ZNF34: variants seen among roughly 807,000 people sequenced by gnomAD.
ZNF34 encodes the protein zinc finger protein 34 (KOX 32).
In ZNF34, 8 loss-of-function variants were observed where a neutral mutation model predicts 14.4. The ratio of observed to expected loss-of-function variants is 0.55; its 90% CI spans 0.33 to 1.00. The LOEUF is 1.00. Ranked by LOEUF, ZNF34 falls within the 50% of genes least tolerant of loss-of-function variation. The pLI, the probability that ZNF34 is intolerant of heterozygous loss-of-function variation, is 0.03. For missense variants in ZNF34, 538 were observed against 674.2 expected, an observed-to-expected ratio of 0.80 and a Z score of 2.24; for synonymous variants, 235 against 247.9, an observed-to-expected ratio of 0.95 and a Z score of 0.49.
chr8:144,783,853 G>GT (rs1826047830), intron 1 of ZNF34, among the ~76,000 whole-genome samples: 1 of 152,218 alleles, frequency 6.6e-6, no homozygotes, highest in Admixed American at 6.5e-5. Flanking sequence ...ACATGAAATA[G>GT]TAACGATCTA....
Position 144,773,623 on chromosome 8 carries a change from A to T in ZNF34, c.1263T>A (p.Thr421=). The part of the protein sequence containing the change: ...TKLVEHQRSH[T]GEKPYECNDC... ...CATTGCATTCATAGGGCTTCTCTCC[A>T]GTGTGGCTTCTCTGATGTTCCACGA... Residue 421 remains threonine (T), a synonymous_variant, in exon 6 of 6, where the codon ACT becomes ACA. Transcript: ENST00000429371. This position sits in a 1 kb window ranked among gnomAD's most constrained non-coding sequence, Gnocchi z 5.4. The T allele has an allele frequency of 6.2e-7, 1 of 1,614,086 alleles. No homozygotes were observed. Among genetic ancestry groups the T allele is most frequent in the East Asian group, 2.2e-5 (1 of 44,870 alleles).
intron 1 of ZNF34, among the ~76,000 whole-genome samples, chr8:144,784,974 G>A (rs1826131548): frequency 6.6e-6 from 1 of 151,432 alleles, no homozygotes; most frequent in African/African-American, 2.4e-5. Context: ...ATTAGCCAAC[G>A]TGGTGGTGTG....
At chr8:144,785,121 A>AG (rs1826145880) in intron 1 of ZNF34, among the ~76,000 whole-genome samples, 1 of 151,636 alleles carries the variant, frequency 6.6e-6, no homozygotes, top group Non-Finnish European at 1.5e-5. Context: ...AAAAAAAAAA[A>AG]AAAAAAAAGA....
chr8:144,774,384 C>T lies in ZNF34; in HGVS notation c.502G>A (p.Val168Ile). 1.2e-6 allele frequency: 2 copies of T among 1,613,524 alleles called. No individual in the cohort carries two copies. Among genetic ancestry groups the T allele is most frequent in the South Asian group, 2.2e-5 (2 of 91,028 alleles). Residue 168 changes from valine to isoleucine, a missense_variant, in exon 6 of 6, where the codon GTT (valine) becomes ATT (isoleucine). Val to Ile is a conservative substitution (Grantham distance 29). Transcript: ENST00000429371. ...GGNLRLLSRPVPDQRPHKCDI... is the reference protein window; with the variant it reads ...GGNLRLLSRPIPDQRPHKCDI... ...CATTTGTGAGGTCTCTGATCAGGAA[C>T]AGGTCTTGACAGCAACCTGAGGTTT...
intron 1 of ZNF34, among the ~76,000 whole-genome samples, chr8:144,782,174 T>A (rs1825928759): frequency 6.6e-6 from 1 of 151,904 alleles, no homozygotes; most frequent in Non-Finnish European, 1.5e-5. Flanking sequence ...ATATAAAAAT[T>A]AGCTGGGCAT....
chr8:144,783,931 A>G (rs907150642), intron 1 of ZNF34, among the ~76,000 whole-genome samples: 10 of 151,884 alleles, frequency 6.6e-5, no homozygotes, highest in Non-Finnish European at 1.3e-4. Flanking sequence ...TTGGGAGGCC[A>G]AGGCGGGAGG....
chr8:144,776,874 T>C (rs1586730126), intron 5 of ZNF34, among the ~76,000 whole-genome samples: 1 of 142,322 alleles, frequency 7.0e-6, no homozygotes, highest in Non-Finnish European at 1.5e-5. Context: ...ATCATACCAC[T>C]GCACTCCAGC....
intron 1 of ZNF34, 126 bp downstream of exon 1, chr8:144,787,153 G>C (rs917901926): frequency 6.6e-6 from 1 of 152,392 alleles, no homozygotes; most frequent in African/African-American, 2.4e-5. Context: ...AAGTGCCGCT[G>C]ATGGCGGGAC....
At position 144,773,891 on chromosome 8, in the gene ZNF34, T is replaced by C; in HGVS notation, c.995A>G (p.His332Arg). ...TTTCTCTCCGGTGTGGATTCTCTGG[T>C]GATAAATCAGGGAAGAGTAGGCGCT... ...HFSAYSSLIY[H>R]QRIHTGEKPY... is the part of the protein sequence containing the mutation. The change falls in exon 6 of 6, where the codon CAC (histidine) becomes CGC (arginine). Residue 332 changes from histidine (H) to arginine (R), a missense_variant. By Grantham distance (29) the His-to-Arg change is conservative. Coordinates refer to ENST00000429371, the MANE Select transcript of ZNF34 (RefSeq NM_001286769.2). This position sits in a 1 kb window ranked among gnomAD's most constrained non-coding sequence, Gnocchi z 5.4. 1 of 1,614,124 alleles carries C rather than the reference T, an allele frequency of 6.2e-7. No homozygotes were observed. Among genetic ancestry groups the C allele is most frequent in the Non-Finnish European group, 8.5e-7 (1 of 1,180,016 alleles).
Position 144,777,484 on chromosome 8 carries a change from T to C in ZNF34, c.254A>G (p.Lys85Arg), listed in dbSNP as rs1825593362. The change falls in exon 5 of 6, where the codon AAA (lysine) becomes AGA (arginine). Residue 85 changes from lysine to arginine, a missense_variant. Transcript: ENST00000429371. The surrounding 1 kb of genome is among the most constrained non-coding windows in gnomAD (Gnocchi z 4.8). ...WVLDVQGTSGKEHLRVNSPAL... is the reference protein window; with the variant it reads ...WVLDVQGTSGREHLRVNSPAL... ...TGGGCTGTTGACTCTCAGGTGCTCT[T>C]TCCCAGAGGTGCCCTGAACATCCAG... 1.2e-5 allele frequency: 19 copies of C among 1,552,214 alleles called. No individual in the cohort carries two copies. Among genetic ancestry groups the C allele is most frequent in the Non-Finnish European group, 1.6e-5 (18 of 1,147,376 alleles).
intron 5 of ZNF34, among the ~76,000 whole-genome samples, chr8:144,776,539 G>A (rs1437082462): frequency 6.6e-6 from 1 of 152,148 alleles, no homozygotes; most frequent in Admixed American, 6.5e-5. Flanking sequence ...GGAGGTTGCA[G>A]TGAACTAAGA....
At position 144,774,129 on chromosome 8, in the gene ZNF34, T is replaced by C. The variant is rs1344652310; in HGVS notation, c.757A>G (p.Thr253Ala). 7 of 1,613,992 alleles carry C rather than the reference T, an allele frequency of 4.3e-6. No individual in the cohort carries two copies. Among genetic ancestry groups the C allele is most frequent in the African/African-American group, 4.0e-5 (3 of 74,930 alleles). ...ANLVKHQRLH[T>A]EEKPYKCDEC... is the part of the protein sequence containing the mutation. ...TCACATTTGTAGGGCTTCTCTTCAGTGTGAAGCCGCTGATGCTTGACAAGG... is the reference window on the plus strand; with the variant it reads ...TCACATTTGTAGGGCTTCTCTTCAGCGTGAAGCCGCTGATGCTTGACAAGG... The change falls in exon 6 of 6, where the codon ACT becomes GCT. Residue 253 changes from threonine to alanine, a missense_variant. Thr to Ala is a moderately conservative substitution (Grantham distance 58). Coordinates refer to ENST00000429371, the MANE Select transcript of ZNF34 (RefSeq NM_001286769.2).
At chr8:144,784,437 G>A (rs928662158) in intron 1 of ZNF34, among the ~76,000 whole-genome samples, 3 of 148,510 alleles carry the variant, frequency 2.0e-5, no homozygotes. Flanking sequence ...TATACTTCAG[G>A]CAGGTTGAAG....
chr8:144,783,922 T>G (rs942253323), intron 1 of ZNF34, among the ~76,000 whole-genome samples: 5 of 152,188 alleles, frequency 3.3e-5, no homozygotes, highest in Admixed American at 1.3e-4. Context: ...CCCAGCACTT[T>G]GGGAGGCCAA....
At chr8:144,784,714 C>T (rs1238462481) in intron 1 of ZNF34, among the ~76,000 whole-genome samples, 10 of 151,768 alleles carry the variant, frequency 6.6e-5, no homozygotes, top group Non-Finnish European at 1.5e-4. Flanking sequence ...GCCAAGATCA[C>T]GCCACTGCAC....
chr8:144,784,834 G>C (rs911064620), intron 1 of ZNF34, among the ~76,000 whole-genome samples: 1 of 151,436 alleles, frequency 6.6e-6, no homozygotes, highest in Non-Finnish European at 1.5e-5. Context: ...CCATCAAAAA[G>C]AAAAAAGGCC....
chr8:144,775,730 C>T (rs1278026666), intron 5 of ZNF34, among the ~76,000 whole-genome samples: 1 of 152,200 alleles, frequency 6.6e-6, no homozygotes, highest in African/African-American at 2.4e-5. Flanking sequence ...GGAGCGGAAA[C>T]AGTCTGTATT....
intron 2 of ZNF34, 41 bp from the exon 3 acceptor site, chr8:144,778,566 C>T (rs1825677431): frequency 6.8e-7 from 1 of 1,468,232 alleles, no homozygotes; most frequent in Non-Finnish European, 9.1e-7. Context: ...CCAGTCTGGC[C>T]CCTTCTTCCA....
rs754600887 is a variant in ZNF34 at position 144,772,510 on chromosome 8, CT to C, written c.*755del. On this transcript the variant is annotated 3_prime_UTR_variant, in exon 6 of 6. Transcript: ENST00000429371. ...ACCACAGTTAAAGGCAACTTCAACT[CT>C]ATTGACATAAAAAGTATGAATGTTA... 1.1e-4 allele frequency among the ~76,000 whole-genome samples: 16 copies of C among 152,340 alleles called. No homozygotes were observed. Among genetic ancestry groups the C allele is most frequent in the Middle Eastern group, 3.4e-3 (1 of 294 alleles).
Sources: gnomAD v4.1 joint callset for allele counts (sites outside exome capture counted in the v4.1 genomes callset) on GRCh38, gnomAD v4.1.1 for gene constraint, Gnocchi (gnomAD v3.1) non-coding constraint, MANE v1.5 for transcripts, NCBI Gene and HGNC (gene_info 2026-07-23, HGNC 2026-07-21) for gene names.